The following SLC25A21 variants were observed in gnomAD, a reference collection of about 807,000 sequenced individuals.
SLC25A21 encodes the protein mitochondrial 2-oxodicarboxylate carrier.
A neutral mutation model predicts 43.8 loss-of-function variants in SLC25A21; 47 were observed. The ratio of observed to expected loss-of-function variants is 1.07; its 90% CI spans 0.85 to 1.37. SLC25A21 has a LOEUF of 1.37. Ranked by LOEUF, SLC25A21 falls within the 40% of genes most tolerant of loss-of-function variation. The probability of loss-of-function intolerance (pLI) is 0.00; values close to 1 mark genes in which losing one functional copy is unlikely to be tolerated. For missense variants in SLC25A21, 352 were observed against 350.2 expected, an observed-to-expected ratio of 1.00 and a Z score of -0.04; for synonymous variants, 131 against 121.3, an observed-to-expected ratio of 1.08 and a Z score of -0.52.
chr14:36,919,802 T>C (rs748837215), intron 1 of SLC25A21, among the ~76,000 whole-genome samples: 1 of 152,018 alleles, frequency 6.6e-6, no homozygotes, highest in Non-Finnish European at 1.5e-5. Flanking sequence ...AATCAAAATG[T>C]TTCCTTACTA....
intron 1 of SLC25A21, among the ~76,000 whole-genome samples, chr14:37,130,922 C>T (rs930133691): frequency 5.3e-5 from 8 of 152,182 alleles, no homozygotes; most frequent in African/African-American, 1.9e-4. Context: ...GCAGAATATG[C>T]TTCGTGGAGA....
chr14:36,726,312 C>T (rs974542614), intron 5 of SLC25A21, among the ~76,000 whole-genome samples: 2 of 152,132 alleles, frequency 1.3e-5, no homozygotes, highest in Non-Finnish European at 2.9e-5. Flanking sequence ...TGTGCACCCA[C>T]AGTCCCAGCT....
At chr14:37,080,565 A>G (rs1252938872) in intron 1 of SLC25A21, among the ~76,000 whole-genome samples, 1 of 152,232 alleles carries the variant, frequency 6.6e-6, no homozygotes, top group African/African-American at 2.4e-5. Context: ...GTGCCACTGC[A>G]CTTCCGCCTG....
intron 3 of SLC25A21, among the ~76,000 whole-genome samples, chr14:36,781,084 T>C (rs1336708577): frequency 6.6e-6 from 1 of 152,200 alleles, no homozygotes; most frequent in African/African-American, 2.4e-5. Flanking sequence ...TAATGACCTT[T>C]GTCTCTTGTT....
rs1194934325 is a variant in SLC25A21 at position 37,133,993 on chromosome 14, G to GA, written c.70+38287dup. ...TCCCAAACTCAGTAACTGGCAACTG[G>GA]AAAAAACTCAATACAGTCAATGTTT... On this transcript the variant is annotated intron_variant, in intron 1 of 9. Transcript: ENST00000331299. 1.6e-4 allele frequency among the ~76,000 whole-genome samples: 24 copies of GA among 152,196 alleles called. No homozygotes were observed. The East Asian group carries it at 3.1e-3, about 20-fold the overall frequency.
At chr14:36,733,441 T>A (rs948981278) in intron 4 of SLC25A21, among the ~76,000 whole-genome samples, 2 of 152,230 alleles carry the variant, frequency 1.3e-5, no homozygotes, top group Non-Finnish European at 2.9e-5. Context: ...AGAGAAAGTA[T>A]GTTCTAAAGC....
chr14:36,697,547 G>A (rs1460247624), intron 7 of SLC25A21, among the ~76,000 whole-genome samples: 1 of 152,128 alleles, frequency 6.6e-6, no homozygotes, highest in Non-Finnish European at 1.5e-5. Flanking sequence ...GGGAGTCTAA[G>A]TCTCTTTGTA....
intron 3 of SLC25A21, among the ~76,000 whole-genome samples, chr14:36,743,352 G>A (rs993504922): frequency 5.3e-5 from 8 of 151,214 alleles, no homozygotes; most frequent in African/African-American, 9.7e-5. Flanking sequence ...TTATAAAGAT[G>A]AACACTTTCC....
intron 2 of SLC25A21, among the ~76,000 whole-genome samples, chr14:36,836,491 A>G (rs1480874036): frequency 6.6e-6 from 1 of 152,190 alleles, no homozygotes; most frequent in Non-Finnish European, 1.5e-5. Flanking sequence ...CATTTCAGGT[A>G]TATTATCAGA....
chr14:37,000,595 A>G (rs1345535903), intron 1 of SLC25A21, among the ~76,000 whole-genome samples: 1 of 152,080 alleles, frequency 6.6e-6, no homozygotes, highest in East Asian at 1.9e-4. Context: ...CTCTGATCAG[A>G]TGCCATCCAA....
In SLC25A21 at chr14:36,678,279, A is replaced by G; in HGVS notation, c.*2379T>C. The stretch of plus-strand genomic sequence containing the variant: ...TAAGCAGATTTCTGACACACAAATT[A>G]TGTTAGAGTGACTGCTTTTTTCAGA... On this transcript the variant is annotated 3_prime_UTR_variant, in exon 10 of 10. Transcript: ENST00000331299. The G allele has an allele frequency of 1.7e-6, 1 of 582,242 alleles. No homozygotes were observed. 36.1% of individuals were successfully genotyped at this position (582,242 alleles called of 1,614,324 possible). A position where few individuals can be genotyped will look rare whatever the true frequency, so the allele number is the denominator to read the frequency against.
chr14:36,687,249 G>A (rs1015428381), intron 7 of SLC25A21, among the ~76,000 whole-genome samples: 7 of 152,128 alleles, frequency 4.6e-5, no homozygotes, highest in Non-Finnish European at 1.0e-4. Context: ...CACCGTGCCC[G>A]GCCCACCTTT....
At chr14:36,890,126 G>A (rs569900975) in intron 1 of SLC25A21, among the ~76,000 whole-genome samples, 6 of 152,256 alleles carry the variant, frequency 3.9e-5, no homozygotes, top group Admixed American at 3.3e-4. Flanking sequence ...TAAGGAAGGG[G>A]ATTTGGAGAG....
chr14:37,062,620 G>T (rs1399141075), intron 1 of SLC25A21, among the ~76,000 whole-genome samples: 56 of 152,306 alleles, frequency 3.7e-4, no homozygotes, highest in Non-Finnish European at 1.0e-4. Context: ...ATACACTTCA[G>T]TGTATAACCA....
chr14:36,765,587 C>T (rs1001888832), intron 3 of SLC25A21, among the ~76,000 whole-genome samples: 1 of 152,136 alleles, frequency 6.6e-6, no homozygotes, highest in East Asian at 1.9e-4. Context: ...TTCCAGTATG[C>T]TGTGGCCTGG....
chr14:36,712,348 GC>G (rs113011077), intron 6 of SLC25A21, among the ~76,000 whole-genome samples: 31 of 147,184 alleles, frequency 2.1e-4, no homozygotes, highest in African/African-American at 7.3e-4. Context: ...ACTGTTCAGT[GC>G]TTTTTTTTTT....
At chr14:36,957,447 T>C (rs1413715645) in intron 1 of SLC25A21, among the ~76,000 whole-genome samples, 2 of 152,352 alleles carry the variant, frequency 1.3e-5, no homozygotes, top group South Asian at 2.1e-4. Flanking sequence ...AATTCAGCTC[T>C]CTGGATCTCA....
intron 1 of SLC25A21, among the ~76,000 whole-genome samples, chr14:37,007,139 C>T (rs576838323): frequency 6.6e-6 from 1 of 152,182 alleles, no homozygotes; most frequent in East Asian, 1.9e-4. Context: ...AGTGGCAGTA[C>T]AAATGATCTG....
intron 1 of SLC25A21, among the ~76,000 whole-genome samples, chr14:36,939,563 C>G (rs1892506272): frequency 6.6e-6 from 1 of 152,070 alleles, no homozygotes; most frequent in East Asian, 1.9e-4. Context: ...AGAACCCAAC[C>G]TCTCTCCTTT....
Sources: allele counts gnomAD v4.1 joint callset (sites outside exome capture counted in the v4.1 genomes callset), GRCh38; gene constraint gnomAD v4.1.1; transcripts MANE v1.5; gene names NCBI Gene and HGNC (gene_info 2026-07-23, HGNC 2026-07-21).